The following COL19A1 variants were observed in gnomAD, a reference collection of about 807,000 sequenced individuals.
COL19A1 encodes collagen type XIX alpha 1 chain, also known as collagen alpha-1(XIX) chain.
A neutral mutation model predicts 190.2 loss-of-function variants in COL19A1; 159 were observed. The ratio of observed to expected loss-of-function variants is 0.84; its 90% CI spans 0.73 to 0.95. The LOEUF (loss-of-function observed/expected upper bound fraction) is 0.95, where lower values mean the gene tolerates loss of function less well. Among genes scored for constraint, COL19A1 ranks in the 40% least tolerant of loss-of-function variants. The pLI, the probability that COL19A1 is intolerant of heterozygous loss-of-function variation, is 0.00. For synonymous variants in COL19A1, 509 were observed against 458.9 expected, an observed-to-expected ratio of 1.11 and a Z score of -1.39; for missense variants, 1,418 against 1,431.9, an observed-to-expected ratio of 0.99 and a Z score of 0.16.
chr6:70,137,511 A>G (rs1208312793), intron 18 of COL19A1, among the ~76,000 whole-genome samples, 174 bp from the exon 19 acceptor site: 2 of 152,218 alleles, frequency 1.3e-5, no homozygotes, highest in African/African-American at 4.8e-5. Context: ...AAGTACTGAC[A>G]AACACATTAT....
Position 70,156,700 on chromosome 6 carries a change from A to G in COL19A1, c.2269A>G (p.Ile757Val). The change falls in exon 34 of 51, where the codon ATA becomes GTA. Residue 757 changes from isoleucine (I) to valine (V), a missense_variant. By Grantham distance (29) the Ile-to-Val change is conservative. Transcript: ENST00000620364. ...CAAAGGAGAGCGGGGCTACCCTGGGATACCTGGGGAGAAAGGCGATGAGGT... is the reference window on the plus strand; with the variant it reads ...CAAAGGAGAGCGGGGCTACCCTGGGGTACCTGGGGAGAAAGGCGATGAGGT... ...GSKGERGYPG[I>V]PGEKGDEGLQ... 6.2e-7 allele frequency: 1 copy of G among 1,611,588 alleles called. No individual in the cohort carries two copies. Among genetic ancestry groups the G allele is most frequent in the Non-Finnish European group, 8.5e-7 (1 of 1,178,486 alleles).
At chr6:69,973,846 C>T (rs747229146) in intron 11 of COL19A1, 9 of 152,164 alleles carry the variant, frequency 5.9e-5, no homozygotes, top group Admixed American at 6.5e-5. Flanking sequence ...CAGGAGCTAC[C>T]GGCATGTGAA....
At chr6:70,066,335 A>T (rs914571704) in intron 14 of COL19A1, among the ~76,000 whole-genome samples, 3 of 152,196 alleles carry the variant, frequency 2.0e-5, no homozygotes, top group African/African-American at 4.8e-5. Context: ...CATTCTCAGC[A>T]AACTATCACA....
intron 14 of COL19A1, among the ~76,000 whole-genome samples, chr6:70,056,869 A>G (rs1780532942): frequency 6.6e-6 from 1 of 152,142 alleles, no homozygotes. Context: ...GTGATATTGT[A>G]TAAACCATCT....
chr6:69,964,649 A>G (rs1454161932), intron 11 of COL19A1, among the ~76,000 whole-genome samples: 1 of 152,180 alleles, frequency 6.6e-6, no homozygotes, highest in African/African-American at 2.4e-5. Flanking sequence ...GGTTCCACAT[A>G]TCTATTAACT....
intron 15 of COL19A1, among the ~76,000 whole-genome samples, chr6:70,087,732 C>T (rs113444320): frequency 2.0e-5 from 3 of 152,114 alleles, no homozygotes; most frequent in Non-Finnish European, 2.9e-5. Flanking sequence ...TGGTAAGGAT[C>T]GCCACACTGC....
intron 37 of COL19A1, 52 bp downstream of exon 37, chr6:70,166,037 T>C (rs2150265621): frequency 7.6e-6 from 11 of 1,454,742 alleles, no homozygotes; most frequent in Non-Finnish European, 1.1e-5. Flanking sequence ...CTTAAGACTT[T>C]TATAACTCAG....
intron 4 of COL19A1, among the ~76,000 whole-genome samples, chr6:69,904,295 C>T (rs1339661645): frequency 6.6e-6 from 1 of 152,228 alleles, no homozygotes; most frequent in African/African-American, 2.4e-5. Context: ...CAGCATCATT[C>T]CAAACAGTCC....
At chr6:69,914,502 G>A (rs935595443) in intron 4 of COL19A1, among the ~76,000 whole-genome samples, 1 of 152,154 alleles carries the variant, frequency 6.6e-6, no homozygotes, top group South Asian at 2.1e-4. Flanking sequence ...AAATACGGAA[G>A]TTCTTCCTAA....
chr6:70,186,910 T>C (rs1766556901), intron 46 of COL19A1, among the ~76,000 whole-genome samples: 1 of 152,176 alleles, frequency 6.6e-6, no homozygotes, highest in Non-Finnish European at 1.5e-5. Flanking sequence ...AGAGTTTCTC[T>C]CTTGTTGCCC....
chr6:70,068,993 A>G (rs1562140797), intron 15 of COL19A1, among the ~76,000 whole-genome samples: 1 of 152,100 alleles, frequency 6.6e-6, no homozygotes, highest in Non-Finnish European at 1.5e-5. Flanking sequence ...GTTCAATTTC[A>G]TCATTCCACA....
chr6:70,073,441 T>C (rs1397020077), intron 15 of COL19A1, among the ~76,000 whole-genome samples: 2 of 152,202 alleles, frequency 1.3e-5, no homozygotes, highest in Non-Finnish European at 2.9e-5. Flanking sequence ...AGTAATGCCA[T>C]GTCGGTGTTA....
intron 16 of COL19A1, among the ~76,000 whole-genome samples, chr6:70,112,608 T>G (rs1357754965): frequency 6.6e-6 from 1 of 152,168 alleles, no homozygotes; most frequent in Non-Finnish European, 1.5e-5. Context: ...TAAGTACCTT[T>G]AAATATATTT....
chr6:70,076,837 C>T (rs559154634), intron 15 of COL19A1, among the ~76,000 whole-genome samples: 18 of 152,268 alleles, frequency 1.2e-4, no homozygotes, highest in African/African-American at 2.2e-4. Context: ...GCCAAAGTGG[C>T]GATATGCTAA....
chr6:69,871,773 G>A (rs1267403107), intron 1 of COL19A1, among the ~76,000 whole-genome samples: 3 of 151,414 alleles, frequency 2.0e-5, no homozygotes, highest in Non-Finnish European at 2.9e-5. Context: ...AACTGGTGCT[G>A]AGAGGCTCCT....
chr6:69,952,604 GACTA>G (rs1176695658), intron 9 of COL19A1, among the ~76,000 whole-genome samples: 1 of 151,988 alleles, frequency 6.6e-6, no homozygotes, highest in Non-Finnish European at 1.5e-5. Context: ...AAAATAGCTG[GACTA>G]ACTATCATCA....
chr6:70,090,439 AG>A (rs1782843556), intron 15 of COL19A1, among the ~76,000 whole-genome samples: 1 of 152,074 alleles, frequency 6.6e-6, no homozygotes, highest in African/African-American at 2.4e-5. Context: ...TGTATATGAG[AG>A]GGTGTGTGTA....
chr6:69,992,403 T>A (rs1776675957), intron 11 of COL19A1, among the ~76,000 whole-genome samples: 1 of 152,142 alleles, frequency 6.6e-6, no homozygotes, highest in Admixed American at 6.6e-5. Context: ...TAGAATGTTT[T>A]TCTCTAATTC....
intron 9 of COL19A1, among the ~76,000 whole-genome samples, chr6:69,947,365 A>C (rs1223575595): frequency 6.6e-6 from 1 of 151,890 alleles, no homozygotes; most frequent in Non-Finnish European, 1.5e-5. Context: ...CAAACAATAA[A>C]TTCACTCACG....
Sources: gnomAD v4.1 joint callset for allele counts (sites outside exome capture counted in the v4.1 genomes callset) on GRCh38, gnomAD v4.1.1 for gene constraint, MANE v1.5 for transcripts, NCBI Gene and HGNC (gene_info 2026-07-23, HGNC 2026-07-21) for gene names.